The following DNAH6 variants were observed in gnomAD, a reference collection of about 807,000 sequenced individuals.
DNAH6 encodes dynein axonemal heavy chain 6.
DNAH6 carries 340 observed loss-of-function variants against 491.4 expected under a neutral mutation model. The ratio of observed to expected loss-of-function variants is 0.69; its 90% CI spans 0.63 to 0.76. The LOEUF (loss-of-function observed/expected upper bound fraction) is 0.76. Among genes scored for constraint, DNAH6 ranks in the 30% least tolerant of loss-of-function variants. The pLI is 0.00. For missense variants in DNAH6, 4,443 were observed against 4,972.2 expected, an observed-to-expected ratio of 0.89 and a Z score of 3.20; for synonymous variants, 1,603 against 1,686.1, an observed-to-expected ratio of 0.95 and a Z score of 1.21.
intron 37 of DNAH6, among the ~76,000 whole-genome samples, chr2:84,662,128 G>A (rs1042356789): frequency 4.6e-5 from 7 of 152,050 alleles, no homozygotes; most frequent in African/African-American, 1.7e-4. Flanking sequence ...AAATAGAACA[G>A]AAAGTAGAGT....
intron 4 of DNAH6, among the ~76,000 whole-genome samples, chr2:84,540,769 A>G (rs1390492545): frequency 1.3e-5 from 2 of 152,214 alleles, no homozygotes; most frequent in Admixed American, 6.5e-5. Flanking sequence ...GGATACAGAC[A>G]GGTTCTACTG....
chr2:84,526,279 A>T (rs1452832415), intron 3 of DNAH6, among the ~76,000 whole-genome samples: 1 of 152,150 alleles, frequency 6.6e-6, no homozygotes, highest in African/African-American at 2.4e-5. Context: ...TACAGTAAAG[A>T]TACCAGTAGA....
At chr2:84,648,268 G>C (rs1211680592) in intron 33 of DNAH6, among the ~76,000 whole-genome samples, 1 of 152,196 alleles carries the variant, frequency 6.6e-6, no homozygotes, top group East Asian at 1.9e-4. Flanking sequence ...CTCTGAGGGA[G>C]ATGTACAAGA....
intron 2 of DNAH6, among the ~76,000 whole-genome samples, chr2:84,519,795 C>A (rs4240193): frequency 0.96 from 146,525 of 151,916 alleles, 70,707 homozygotes; most frequent in East Asian, 1. Flanking sequence ...ACATTGATGA[C>A]ATCTAGTATA....
At chr2:84,780,655 C>T (rs968819504) in intron 64 of DNAH6, among the ~76,000 whole-genome samples, 1 of 152,178 alleles carries the variant, frequency 6.6e-6, no homozygotes, top group Non-Finnish European at 1.5e-5. Flanking sequence ...TGGTTAGATA[C>T]ATTGCAATCT....
chr2:84,651,937 GTA>G (rs1690488306), intron 33 of DNAH6, among the ~76,000 whole-genome samples: 1 of 150,124 alleles, frequency 6.7e-6, no homozygotes, highest in Non-Finnish European at 1.5e-5. Flanking sequence ...TTTCATGTTA[GTA>G]TATATGCATG....
the DNAH6 span, among the ~76,000 whole-genome samples, chr2:84,463,353 T>A: frequency 5.9e-5 from 9 of 152,144 alleles, no homozygotes; most frequent in Non-Finnish European, 1.3e-4. Context: ...TAGGTATAAG[T>A]TTGAAGTTTT....
intron 13 of DNAH6, among the ~76,000 whole-genome samples, 168 bp downstream of exon 13, chr2:84,577,576 C>G (rs1311977607): frequency 6.6e-6 from 1 of 152,046 alleles, no homozygotes; most frequent in African/African-American, 2.4e-5. Context: ...CTTTTTGTCA[C>G]AAGCATAATC....
At chr2:84,793,701 G>T (rs1427611855) in intron 68 of DNAH6, among the ~76,000 whole-genome samples, 1 of 152,098 alleles carries the variant, frequency 6.6e-6, no homozygotes, top group African/African-American at 2.4e-5. Context: ...TCTTGGAATT[G>T]CCGATACAGG....
chr2:84,781,426 A>C, intron 64 of DNAH6, 67 bp from the exon 65 acceptor site: 6 of 1,344,538 alleles, frequency 4.5e-6, no homozygotes, highest in Non-Finnish European at 6.1e-6. Flanking sequence ...CTGTATTTAT[A>C]TTTCTTCATA....
rs1400115032 is a variant in DNAH6, at chr2:84,529,000, G to A, written c.496G>A (p.Ala166Thr). The A allele has an allele frequency of 1.4e-5, 22 of 1,550,964 alleles. No individual in the cohort carries two copies. The highest frequency in any genetic ancestry group is 1.7e-5 in the Non-Finnish European group (20 of 1,146,726). The change falls in exon 4 of 77, where the codon GCT becomes ACT. Residue 166 changes from alanine (A) to threonine (T), a missense_variant. Ala to Thr is a moderately conservative substitution (Grantham distance 58). Coordinates refer to ENST00000389394, the MANE Select transcript of DNAH6 (RefSeq NM_001370.2). ...AGGTCTCTTTGGGACTAGATCTTCA[G>A]CTTACCCTAAGTACACTTTTCACGA... is the stretch of plus-strand genomic sequence containing the variant. ...KRGLFGTRSS[A>T]YPKYTFHDRE...
In DNAH6 at chr2:84,704,221, T is replaced by C; in HGVS notation, c.8384T>C (p.Ile2795Thr). 1 of 1,551,908 alleles carries C rather than the reference T, an allele frequency of 6.4e-7. No homozygotes were observed. Among genetic ancestry groups the C allele is most frequent in the Non-Finnish European group, 8.7e-7 (1 of 1,147,036 alleles). The change falls in exon 51 of 77, where the codon ATA (isoleucine) becomes ACA (threonine). Residue 2795 changes from isoleucine (I) to threonine (T), a missense_variant. Physicochemically the swap from Ile to Thr is moderately conservative, Grantham distance 89. Around this residue, in one of 3 missense-constraint regions of DNAH6, gnomAD observed 1,463 missense variants for 1,656.6 expected, o/e 0.88. Coordinates refer to ENST00000389394, the MANE Select transcript of DNAH6 (RefSeq NM_001370.2). ...CTGGATTCCTTAGATAAGGCAGATA[T>C]ATCTGAAATCAGAGTTTTTACAAAG... ...KALDSLDKAD[I>T]SEIRVFTKPP...
At chr2:84,518,468 T>G (rs573598200) in intron 2 of DNAH6, among the ~76,000 whole-genome samples, 20 of 152,360 alleles carry the variant, frequency 1.3e-4, no homozygotes, top group African/African-American at 4.6e-4. Context: ...TTGAAAATAC[T>G]TAATTTTTAG....
At chr2:84,556,970 T>G (rs1163397205) in intron 10 of DNAH6, among the ~76,000 whole-genome samples, 4 of 152,242 alleles carry the variant, frequency 2.6e-5, no homozygotes, top group African/African-American at 9.6e-5. Context: ...CCTTAAGGGT[T>G]TCTCTAATTA....
chr2:84,688,048 A>C (rs949150910), intron 44 of DNAH6, among the ~76,000 whole-genome samples: 7 of 152,000 alleles, frequency 4.6e-5, no homozygotes, highest in Admixed American at 2.6e-4. Flanking sequence ...CAGCCTGGCC[A>C]ACATAGTGAA....
chr2:84,709,551 G>A lies in DNAH6; in HGVS notation c.9252+5G>A, dbSNP rs1696838774. 1 of 1,551,384 alleles carries A rather than the reference G, an allele frequency of 6.4e-7. No individual in the cohort carries two copies. The highest frequency in any genetic ancestry group is 1.4e-5 in the African/African-American group (1 of 73,028). ...ATGATTGATCCCCAAGATCAGGTGT[G>A]TAGCAAATGCTTAAGAGAGTGGCTT... On this transcript the variant is annotated splice_donor_5th_base_variant and intron_variant, in intron 55 of 76. Coordinates refer to ENST00000389394, the MANE Select transcript of DNAH6 (RefSeq NM_001370.2).
intron 18 of DNAH6, among the ~76,000 whole-genome samples, chr2:84,596,845 T>C: frequency 6.6e-6 from 1 of 152,216 alleles, no homozygotes. Context: ...TTGCCTTTAG[T>C]GTGATTACAT....
intron 64 of DNAH6, among the ~76,000 whole-genome samples, chr2:84,779,116 G>C (rs1390560828): frequency 6.6e-6 from 1 of 152,126 alleles, no homozygotes; most frequent in Non-Finnish European, 1.5e-5. Flanking sequence ...TATATTCTGT[G>C]GTTGATGGGT....
chr2:84,642,386 A>G (rs1251391064), intron 33 of DNAH6, among the ~76,000 whole-genome samples: 1 of 152,108 alleles, frequency 6.6e-6, no homozygotes. Flanking sequence ...GCTTTTATCC[A>G]TTTTGTTGTT....
Sources: allele counts gnomAD v4.1 joint callset (sites outside exome capture counted in the v4.1 genomes callset), GRCh38; gene constraint gnomAD v4.1.1; regional missense constraint gnomAD v4.1.1; transcripts MANE v1.5; gene names NCBI Gene and HGNC (gene_info 2026-07-23, HGNC 2026-07-21).